JAG2: variants seen among roughly 807,000 people sequenced by gnomAD.
JAG2 encodes protein jagged-2.
JAG2 carries 46 observed loss-of-function variants against 141.7 expected under a neutral mutation model. The observed-to-expected ratio is 0.32, with a 90% CI of 0.26 to 0.42. The LOEUF (loss-of-function observed/expected upper bound fraction) is 0.42, where lower values mean the gene tolerates loss of function less well. Among genes scored for constraint, JAG2 ranks in the 10% least tolerant of loss-of-function variants. The pLI is 1.00. For missense variants in JAG2, 1,500 were observed against 1,817.5 expected, an observed-to-expected ratio of 0.83 and a Z score of 3.18; for synonymous variants, 862 against 763.5, an observed-to-expected ratio of 1.13 and a Z score of -2.13.
chr14:105,152,348 C>A, intron 5 of JAG2, 57 bp from the exon 6 acceptor site: 1 of 1,578,582 alleles, frequency 6.3e-7, no homozygotes, highest in South Asian at 1.1e-5. Context: ...GAAAGGGTGG[C>A]AGGGGAGCCA....
At chr14:105,146,771 C>T in intron 20 of JAG2, 47 bp from the exon 21 acceptor site, 2 of 1,465,596 alleles carry the variant, frequency 1.4e-6, no homozygotes, top group Non-Finnish European at 1.9e-6. Context: ...CCAACGCCCA[C>T]CGCAGGACCG....
rs1888957661 is a variant in JAG2 at position 105,167,581 on chromosome 14, G to A, written c.417+176C>T. On this transcript the variant is annotated intron_variant, in intron 2 of 25. Coordinates refer to ENST00000331782, the MANE Select transcript of JAG2 (RefSeq NM_002226.5). The surrounding 1 kb of genome is among the most constrained non-coding windows in gnomAD (Gnocchi z 4.8). ...GGCCCCGGGGCCCCGGCGCGCCCAC[G>A]TGGCCAGGCGCGGACCAAGTCCCCA... Among the ~76,000 whole-genome samples the A allele has an allele frequency of 6.8e-6, 1 of 147,684 alleles. No individual in the cohort carries two copies. The highest frequency in any genetic ancestry group is 1.5e-5 in the Non-Finnish European group (1 of 66,396).
intron 2 of JAG2, among the ~76,000 whole-genome samples, chr14:105,158,354 C>T (rs1231473356): frequency 6.6e-6 from 1 of 152,196 alleles, no homozygotes; most frequent in Admixed American, 6.5e-5. Context: ...CTACCTCCAC[C>T]CTCACACAGA....
Position 105,168,412 on chromosome 14 carries a change from C to A in JAG2, c.9G>T (p.Ala3=). Residue 3 remains alanine, a synonymous_variant, in exon 1 of 26, where the codon GCG becomes GCT. Transcript: ENST00000331782. MR[A]QGRGRLPRRL... ...GCCGGGGAAGGCGCCCCCGGCCCTGCGCCCGCATTGCCCCCGCGACCCGCC... is the reference window on the plus strand; with the variant it reads ...GCCGGGGAAGGCGCCCCCGGCCCTGAGCCCGCATTGCCCCCGCGACCCGCC... The A allele has an allele frequency of 1.0e-6, 1 of 960,778 alleles. No individual in the cohort carries two copies. The highest frequency in any genetic ancestry group is 1.8e-5 in the African/African-American group (1 of 56,144). 59.5% of individuals were successfully genotyped at this position (960,778 alleles called of 1,614,324 possible). A position where few individuals can be genotyped will look rare whatever the true frequency, so the allele number is the denominator to read the frequency against.
In JAG2 at chr14:105,151,321, A is replaced by T. The variant is rs765191436; in HGVS notation, c.1229T>A (p.Ile410Asn). ...CVDQVDGFEC[I>N]CPEQWVGATC... ...GGCCCCCACCCACTGCTCGGGGCAG[A>T]TGCACTCAAAGCCGTCCACCTGGTC... Residue 410 changes from isoleucine (I) to asparagine (N), a missense_variant, in exon 9 of 26, where the codon ATC (isoleucine) becomes AAC (asparagine). By Grantham distance (149) the Ile-to-Asn change is moderately radical. This residue lies in a region of JAG2 where 875 missense variants were observed against 1,202.2 expected (regional missense o/e 0.73). Transcript: ENST00000331782. 1 of 1,612,704 alleles carries T rather than the reference A, an allele frequency of 6.2e-7. No homozygotes were observed. Among genetic ancestry groups the T allele is most frequent in the Admixed American group, 1.7e-5 (1 of 60,002 alleles).
intron 2 of JAG2, among the ~76,000 whole-genome samples, chr14:105,162,368 A>T (rs1488507166): frequency 6.6e-6 from 1 of 151,964 alleles, no homozygotes; most frequent in Non-Finnish European, 1.5e-5. Context: ...CCTCAAGGCT[A>T]AGTCTAAACC....
rs2272591 is a variant in JAG2, at chr14:105,144,945, A to G, written c.3069T>C (p.Ala1023=). The G allele has an allele frequency of 0.65, 1,042,836 of 1,597,678 alleles. 342,943 individuals carry two copies. Among genetic ancestry groups the G allele is most frequent in the African/African-American group, 0.85 (63,670 of 74,858 alleles). ...LCDRASSGAS[A]VEVAVSFSPA... ...GGGCACTCACCACGGCCACCTCCAC[A>G]GCACTGGCCCCCGAGGACGCCCGGT... Residue 1023 remains alanine, a synonymous_variant, in exon 24 of 26, where the codon GCT becomes GCC. Coordinates refer to ENST00000331782, the MANE Select transcript of JAG2 (RefSeq NM_002226.5).
rs374952882 is a variant in JAG2 at position 105,146,772 on chromosome 14, C to T, written c.2480-48G>A. 12 of 1,461,222 alleles carry T rather than the reference C, an allele frequency of 8.2e-6. No individual in the cohort carries two copies. The African/African-American group carries it at 1.1e-4, about 14-fold the overall frequency. The allele number at this position is 1,461,222 out of a possible 1,614,324, so 90.5% of individuals were successfully genotyped here. A position where few individuals can be genotyped will look rare whatever the true frequency, so the allele number is the denominator to read the frequency against. On this transcript the variant is annotated intron_variant, in intron 20 of 25. Coordinates refer to ENST00000331782, the MANE Select transcript of JAG2 (RefSeq NM_002226.5). ...TCAGTGCAGTGAGGCCAACGCCCAC[C>T]GCAGGACCGGCATGGCCTAGGGCAG...
intron 22 of JAG2, 125 bp from the exon 23 acceptor site, chr14:105,146,098 A>T (rs998143652): frequency 1.6e-5 from 24 of 1,462,418 alleles, no homozygotes; most frequent in Non-Finnish European, 2.0e-5. Context: ...CAAGTCTGTG[A>T]GCCCCAGGGC....
rs978917228 is a variant in JAG2, at chr14:105,168,324, C to T, written c.66+31G>A. Reference sequence around the variant, plus strand: ...GGGGCGGCCCGGTGTGCCCCGTCCGCGACCCCCGCCGCCCCCGCCGCCCCG... The same window carrying T: ...GGGGCGGCCCGGTGTGCCCCGTCCGTGACCCCCGCCGCCCCCGCCGCCCCG... On this transcript the variant is annotated intron_variant, in intron 1 of 25. Coordinates refer to ENST00000331782, the MANE Select transcript of JAG2 (RefSeq NM_002226.5). 6 of 757,296 alleles carry T rather than the reference C, an allele frequency of 7.9e-6. 1 individual carries two copies. In the Admixed American group the frequency reaches 1.7e-4, roughly 22 times the overall value. The allele number at this position is 757,296 out of a possible 1,614,324, so 46.9% of individuals were successfully genotyped here.
At chr14:105,147,001 T>TGGACAGACAGCTGGGC (rs995896809) in intron 20 of JAG2, 1 of 609,296 alleles carries the variant, frequency 1.6e-6, no homozygotes, top group African/African-American at 1.8e-5. Flanking sequence ...CAAGGGGTGC[T>TGGACAGACAGCTGGGC]GGACAGACAG....
At chr14:105,151,888 G>A (rs1448738685) in intron 7 of JAG2, 50 bp downstream of exon 7, 2 of 1,611,934 alleles carry the variant, frequency 1.2e-6, no homozygotes, top group East Asian at 2.2e-5. Context: ...GGCTCCCCAG[G>A]GAACCAGTCC....
chr14:105,168,284 C>T, intron 1 of JAG2, 71 bp downstream of exon 1: 3 of 693,528 alleles, frequency 4.3e-6, no homozygotes, highest in Non-Finnish European at 5.3e-6. Context: ...CCAGGCAGTG[C>T]CCGCCCGGCC....
intron 7 of JAG2, 30 bp from the exon 8 acceptor site, chr14:105,151,769 G>A (rs1888440412): frequency 6.2e-7 from 1 of 1,600,786 alleles, no homozygotes; most frequent in Non-Finnish European, 8.5e-7. Context: ...GGGCAGAGCT[G>A]GCAGCCAGGC....
Position 105,143,134 on chromosome 14 carries a change from A to G in JAG2, c.3278T>C (p.Val1093Ala). The change falls in exon 26 of 26, where the codon GTG becomes GCG. Residue 1093 changes from valine to alanine, a missense_variant. Physicochemically the swap from Val to Ala is moderately conservative, Grantham distance 64. Around this residue, in one of 3 missense-constraint regions of JAG2, gnomAD observed 425 missense variants for 441.0 expected, o/e 0.96. Coordinates refer to ENST00000331782, the MANE Select transcript of JAG2 (RefSeq NM_002226.5). ...CAGGACCACGCACGCCAGCCACAGCACGCTGAAGGCACCACACAGCACAGG... is the reference window on the plus strand; with the variant it reads ...CAGGACCACGCACGCCAGCCACAGCGCGCTGAAGGCACCACACAGCACAGG... ...LVPVLCGAFS[V>A]LWLACVVLCV... 6.3e-7 allele frequency: 1 copy of G among 1,598,934 alleles called. No individual in the cohort carries two copies.
chr14:105,151,247 G>C (rs376410237), intron 9 of JAG2, 36 bp downstream of exon 9: 1 of 1,278,806 alleles, frequency 7.8e-7, no homozygotes, highest in Non-Finnish European at 1.1e-6. Context: ...CCGCATGCGC[G>C]GCCCACGTTC....
chr14:105,143,311 C>A, intron 25 of JAG2, 141 bp from the exon 26 acceptor site: 1 of 1,311,594 alleles, frequency 7.6e-7, no homozygotes, highest in Non-Finnish European at 1.1e-6. Context: ...GGGAGGGTCC[C>A]AGGACGGGGG....
intron 5 of JAG2, among the ~76,000 whole-genome samples, chr14:105,155,214 C>T (rs945767304): frequency 5.3e-5 from 8 of 151,626 alleles, no homozygotes; most frequent in Non-Finnish European, 8.8e-5. Flanking sequence ...GCCGGCCGCT[C>T]GCCGCCCACC....
rs770960516 is a variant in JAG2 at position 105,146,601 on chromosome 14, C to T, written c.2593+10G>A. ...CCCGCCCCAACCCAGGGCAATCACACGGGGCCTACCTTCCTGGCACCGGGG... is the reference window on the plus strand; with the variant it reads ...CCCGCCCCAACCCAGGGCAATCACATGGGGCCTACCTTCCTGGCACCGGGG... On this transcript the variant is annotated intron_variant, in intron 21 of 25. Transcript: ENST00000331782. 60 of 1,611,276 alleles carry T rather than the reference C, an allele frequency of 3.7e-5. No individual in the cohort carries two copies. The highest frequency in any genetic ancestry group is 3.3e-4 in the Middle Eastern group (2 of 6,084).
Sources: allele counts gnomAD v4.1 joint callset (sites outside exome capture counted in the v4.1 genomes callset), GRCh38; gene constraint gnomAD v4.1.1; regional missense constraint gnomAD v4.1.1; non-coding constraint Gnocchi (gnomAD v3.1); transcripts MANE v1.5; gene names NCBI Gene and HGNC (gene_info 2026-07-23, HGNC 2026-07-21).